The following GREB1L variants were observed in gnomAD, a reference collection of about 807,000 sequenced individuals.
GREB1L encodes GREB1-like protein.
Under a neutral mutation model 200.8 loss-of-function variants are expected in GREB1L, and 17 were observed. That is an observed-to-expected ratio of 0.08 (90% CI 0.06 to 0.13). The LOEUF (loss-of-function observed/expected upper bound fraction) is 0.13, where lower values mean the gene tolerates loss of function less well. Ranked by LOEUF, GREB1L falls within the 10% of genes least tolerant of loss-of-function variation. GREB1L has a pLI of 1.00. For synonymous variants in GREB1L, 789 were observed against 893.0 expected, an observed-to-expected ratio of 0.88 and a Z score of 2.08; for missense variants, 1,657 against 2,367.7, an observed-to-expected ratio of 0.70 and a Z score of 6.23.
chr18:21,471,398 C>G (rs2041465929), intron 15 of GREB1L, among the ~76,000 whole-genome samples: 1 of 152,176 alleles, frequency 6.6e-6, no homozygotes, highest in South Asian at 2.1e-4. Context: ...GTTCTTTTGT[C>G]TAATGCCTCT....
chr18:21,446,354 T>C (rs528030552), intron 11 of GREB1L, among the ~76,000 whole-genome samples: 35 of 152,310 alleles, frequency 2.3e-4, no homozygotes, highest in African/African-American at 8.4e-4. Context: ...ATTTTTAAAA[T>C]CGGAGTCTAA....
intron 1 of GREB1L, among the ~76,000 whole-genome samples, chr18:21,323,250 G>GT (rs1283169757): frequency 1.3e-5 from 2 of 152,136 alleles, no homozygotes; most frequent in African/African-American, 4.8e-5. Context: ...ATTGCACCAT[G>GT]TACCCCAGCC....
chr18:21,479,441 G>C (rs2035837107), intron 17 of GREB1L, among the ~76,000 whole-genome samples: 1 of 152,088 alleles, frequency 6.6e-6, no homozygotes, highest in African/African-American at 2.4e-5. Context: ...CACTTAGGGA[G>C]GCCGAGGTGG....
intron 2 of GREB1L, among the ~76,000 whole-genome samples, chr18:21,372,836 G>A (rs530896589): frequency 8.5e-5 from 13 of 152,296 alleles, no homozygotes; most frequent in South Asian, 2.1e-4. Context: ...CAGGAGAATC[G>A]CTTGAACCTG....
intron 7 of GREB1L, among the ~76,000 whole-genome samples, chr18:21,437,547 A>G (rs1465657232): frequency 5.3e-5 from 8 of 152,002 alleles, no homozygotes; most frequent in Non-Finnish European, 1.2e-4. Flanking sequence ...AGTACTGTAT[A>G]CCACAGTACT....
At chr18:21,355,041 C>T (rs1598688250) in intron 1 of GREB1L, among the ~76,000 whole-genome samples, 1 of 152,246 alleles carries the variant, frequency 6.6e-6, no homozygotes, top group East Asian at 1.9e-4. Context: ...GAAGAGGCCT[C>T]AGTTCCAACC....
At chr18:21,370,013 C>G (rs2039816580) in intron 2 of GREB1L, among the ~76,000 whole-genome samples, 1 of 149,752 alleles carries the variant, frequency 6.7e-6, no homozygotes, top group Non-Finnish European at 1.5e-5. Context: ...TTTAAATGTA[C>G]AAAACTATTA....
chr18:21,284,312 T>C (rs910434896), intron 1 of GREB1L, among the ~76,000 whole-genome samples: 1 of 152,220 alleles, frequency 6.6e-6, no homozygotes, highest in Non-Finnish European at 1.5e-5. Flanking sequence ...AAGAAACCTG[T>C]ACTCATTAGC....
intron 18 of GREB1L, among the ~76,000 whole-genome samples, chr18:21,487,522 A>T (rs1470609969): frequency 6.6e-6 from 1 of 152,228 alleles, no homozygotes; most frequent in African/African-American, 2.4e-5. Context: ...TGAAGGGACC[A>T]GCCCAGGATT....
At chr18:21,497,417 T>C (rs972318651) in intron 21 of GREB1L, among the ~76,000 whole-genome samples, 4 of 152,078 alleles carry the variant, frequency 2.6e-5, no homozygotes, top group African/African-American at 9.7e-5. Context: ...CCGAGGCAGG[T>C]GGATCACCTG....
intron 15 of GREB1L, among the ~76,000 whole-genome samples, chr18:21,472,471 A>C (rs959862526): frequency 6.6e-6 from 1 of 152,220 alleles, no homozygotes; most frequent in African/African-American, 2.4e-5. Context: ...CCTAAATCCA[A>C]CATTCACTGA....
At chr18:21,497,082 T>C (rs1762569625) in intron 21 of GREB1L, among the ~76,000 whole-genome samples, 2 of 152,204 alleles carry the variant, frequency 1.3e-5, no homozygotes, top group African/African-American at 2.4e-5. Flanking sequence ...AATGGCTTAG[T>C]ACCTGGCACA....
intron 27 of GREB1L, among the ~76,000 whole-genome samples, chr18:21,512,124 G>T (rs2037262205): frequency 6.6e-6 from 1 of 152,220 alleles, no homozygotes; most frequent in South Asian, 2.1e-4. Context: ...ATCAGGAAGT[G>T]TGAGATCTCT....
intron 15 of GREB1L, among the ~76,000 whole-genome samples, chr18:21,467,593 G>C (rs1275343786): frequency 1.3e-5 from 2 of 152,164 alleles, no homozygotes; most frequent in African/African-American, 4.8e-5. Flanking sequence ...AGTAAGAATT[G>C]TTGAATATGT....
chr18:21,342,157 G>A (rs2039278721), intron 1 of GREB1L, among the ~76,000 whole-genome samples: 1 of 151,986 alleles, frequency 6.6e-6, no homozygotes, highest in Admixed American at 6.6e-5. Context: ...CTGATTGATG[G>A]CCTGAATTGA....
intron 15 of GREB1L, among the ~76,000 whole-genome samples, chr18:21,458,017 G>A (rs1486689012): frequency 7.0e-6 from 1 of 142,276 alleles, no homozygotes; most frequent in Non-Finnish European, 1.5e-5. Flanking sequence ...TGTACAGGCT[G>A]GAGTGCAGTG....
At chr18:21,309,725 C>A (rs1393238229) in intron 1 of GREB1L, among the ~76,000 whole-genome samples, 3 of 152,040 alleles carry the variant, frequency 2.0e-5, no homozygotes, top group African/African-American at 7.2e-5. Context: ...TTCATCTTGC[C>A]CCTTCTCTGT....
At chr18:21,446,350 A>T (rs1471111094) in intron 11 of GREB1L, among the ~76,000 whole-genome samples, 2 of 152,198 alleles carry the variant, frequency 1.3e-5, no homozygotes, top group African/African-American at 2.4e-5. Flanking sequence ...AGCAATTTTT[A>T]AAATCGGAGT....
intron 1 of GREB1L, among the ~76,000 whole-genome samples, chr18:21,286,297 G>A (rs1437772443): frequency 1.3e-5 from 2 of 152,160 alleles, no homozygotes; most frequent in African/African-American, 2.4e-5. Context: ...ATACTCAGGG[G>A]TAACAGGAGA....
Sources: gnomAD v4.1 joint callset for allele counts (sites outside exome capture counted in the v4.1 genomes callset) on GRCh38, gnomAD v4.1.1 for gene constraint, MANE v1.5 for transcripts, NCBI Gene and HGNC (gene_info 2026-07-23, HGNC 2026-07-21) for gene names.